ALKBH2: variants seen among roughly 807,000 people sequenced by gnomAD.
ALKBH2 encodes DNA oxidative demethylase ALKBH2.
ALKBH2 carries 19 observed loss-of-function variants against 19.7 expected under a neutral mutation model. That is an observed-to-expected ratio of 0.97 (90% CI 0.67 to 1.42). The LOEUF is 1.42. Ranked by LOEUF, ALKBH2 falls within the 40% of genes most tolerant of loss-of-function variation. ALKBH2 has a pLI of 0.00. For synonymous variants in ALKBH2, 135 were observed against 131.2 expected (o/e 1.03, Z -0.20); for missense variants, 310 against 328.5 (o/e 0.94, Z 0.43).
intron 3 of ALKBH2, among the ~76,000 whole-genome samples, chr12:109,089,406 G>A (rs2042023701): frequency 6.6e-6 from 1 of 152,168 alleles, no homozygotes; most frequent in Non-Finnish European, 1.5e-5. Flanking sequence ...ACAGGTATTG[G>A]GGGGTGGGGG....
At chr12:109,089,762 A>G in intron 3 of ALKBH2, 2 of 519,736 alleles carry the variant, frequency 3.8e-6, no homozygotes, top group Non-Finnish European at 3.5e-6. Flanking sequence ...AAAAAAAAAG[A>G]AAGAAAAAGA....
chr12:109,092,269 T>G, intron 2 of ALKBH2: 1 of 487,374 alleles, frequency 2.1e-6, no homozygotes, highest in Non-Finnish European at 3.3e-6. Context: ...CAAGGAGAGA[T>G]TCACTCGAGT....
intron 2 of ALKBH2, among the ~76,000 whole-genome samples, chr12:109,091,104 A>G (rs1187667180): frequency 1.3e-5 from 2 of 152,102 alleles, no homozygotes; most frequent in Non-Finnish European, 2.9e-5. Context: ...TTTTTTAAAG[A>G]GATGGTGAGC....
intron 2 of ALKBH2, among the ~76,000 whole-genome samples, chr12:109,091,801 C>T (rs1322741582): frequency 2.0e-5 from 3 of 152,212 alleles, no homozygotes; most frequent in East Asian, 1.9e-4. Flanking sequence ...TCGCCCGTCT[C>T]GGGCTCCCAA....
rs1566114978 is a variant in ALKBH2, at chr12:109,090,020, C to T, written c.468G>A (p.Val156=). ...AAACAGGGTGTCACCTGTTGATGAG[C>T]ACAAAGTTGAAGGTCTGTCCAGTCA... ...SGVTGQTFNF[V]LINRYKDGCD... Residue 156 remains valine (V), a synonymous_variant, in exon 3 of 4, where the codon GTG becomes GTA. Transcript: ENST00000429722. The T allele has an allele frequency of 6.2e-7, 1 of 1,614,180 alleles. No homozygotes were observed. Among genetic ancestry groups the T allele is most frequent in the African/African-American group, 1.3e-5 (1 of 75,060 alleles).
At chr12:109,092,345 G>C in intron 2 of ALKBH2, 162 bp downstream of exon 2, 1 of 1,124,366 alleles carries the variant, frequency 8.9e-7, no homozygotes, top group Non-Finnish European at 1.2e-6. Context: ...AGCACCTAAG[G>C]GGCTTAGCCC....
Position 109,088,746 on chromosome 12 carries a change from G to A in ALKBH2, c.480-234C>T, listed in dbSNP as rs114804658. 1.6e-3 allele frequency among the ~76,000 whole-genome samples: 239 copies of A among 152,188 alleles called. 1 individual carries two copies. The highest frequency in any genetic ancestry group is 5.4e-3 in the African/African-American group (224 of 41,528). On this transcript the variant is annotated intron_variant, in intron 3 of 3. Coordinates refer to ENST00000429722, the MANE Select transcript of ALKBH2 (RefSeq NM_001145374.2). The surrounding 1 kb of genome is among the most constrained non-coding windows in gnomAD (Gnocchi z 4.2). ...TTATTATTATTTTTGAGAGGGTCTC[G>A]CTCTGTCACCCAGGCTGAAGTGCAG... is the stretch of plus-strand genomic sequence containing the variant.
chr12:109,089,758 AAAG>A (rs2042030786), intron 3 of ALKBH2: 2 of 512,174 alleles, frequency 3.9e-6, no homozygotes, highest in East Asian at 3.4e-5. Flanking sequence ...CAAAAAAAAA[AAAG>A]AAAGAAAAAG....
chr12:109,092,116 A>C (rs1020112377), intron 2 of ALKBH2: 3 of 162,512 alleles, frequency 1.8e-5, no homozygotes, highest in African/African-American at 7.2e-5. Context: ...CTGACTGCCC[A>C]TGAGAATCAC....
Position 109,092,488 on chromosome 12 carries a change from C to CACAA in ALKBH2, c.280+18_280+19insTTGT, listed in dbSNP as rs2042076707. 1 of 1,548,726 alleles carries CACAA rather than the reference C, an allele frequency of 6.5e-7. No homozygotes were observed. The highest frequency in any genetic ancestry group is 1.4e-5 in the African/African-American group (1 of 73,174). ...AGCCCTCAATGCACACACACACACA[C>CACAA]ACACACCCCTCTGCTTACCTGTAAA... On this transcript the variant is annotated intron_variant, in intron 2 of 3. Transcript: ENST00000429722.
Position 109,088,663 on chromosome 12 carries a change from G to A in ALKBH2, c.480-151C>T, listed in dbSNP as rs898841585. The A allele has an allele frequency of 7.5e-6, 5 of 665,100 alleles. No individual in the cohort carries two copies. Among genetic ancestry groups the A allele is most frequent in the African/African-American group, 3.6e-5 (2 of 55,026 alleles). The allele number at this position is 665,100 out of a possible 1,614,324, so 41.2% of individuals were successfully genotyped here. A position where few individuals can be genotyped will look rare whatever the true frequency, so the allele number is the denominator to read the frequency against. On this transcript the variant is annotated intron_variant, in intron 3 of 3. Transcript: ENST00000429722. The surrounding 1 kb of genome is among the most constrained non-coding windows in gnomAD (Gnocchi z 4.2). ...TGCGAGGGCTTGAGGTCCACAGTGG[G>A]CTCTAAGATAAGCCAACGCTGAAGA... is the stretch of plus-strand genomic sequence containing the variant.
At chr12:109,092,974 AC>A in intron 1 of ALKBH2, 37 bp from the exon 2 acceptor site, 4 of 1,390,938 alleles carry the variant, frequency 2.9e-6, no homozygotes, top group Non-Finnish European at 3.7e-6. Context: ...GCCGGAAGGG[AC>A]CCTAGGGACA....
Position 109,092,835 on chromosome 12 carries a change from A to C in ALKBH2, c.-49T>G. 5 of 1,554,706 alleles carry C rather than the reference A, an allele frequency of 3.2e-6. No individual in the cohort carries two copies. Among genetic ancestry groups the C allele is most frequent in the African/African-American group, 2.7e-5 (2 of 72,938 alleles). On this transcript the variant is annotated 5_prime_UTR_variant, in exon 2 of 4. The change creates a new upstream start codon in the 5' untranslated region. Transcript: ENST00000429722. Reference sequence around the variant, plus strand: ...ACGTCAGTGGCGAGGCCAAGACAGAAATTGCTCAAGTTCTATCCCCAGTGC... The same window carrying C: ...ACGTCAGTGGCGAGGCCAAGACAGACATTGCTCAAGTTCTATCCCCAGTGC...
At position 109,092,945 on chromosome 12, in the gene ALKBH2, G is replaced by A. The variant is rs2042087279; in HGVS notation, c.-151-8C>T. ...AAAGTTTAAAACCATGTCCTAGAAA[G>A]GAAACAGAAGATGTTAAAGCCGGAA... On this transcript the variant is annotated splice_polypyrimidine_tract_variant and splice_region_variant and intron_variant, in intron 1 of 3. Transcript: ENST00000429722. The A allele has an allele frequency of 2.1e-6, 3 of 1,429,168 alleles. No homozygotes were observed. Among genetic ancestry groups the A allele is most frequent in the South Asian group, 3.1e-5 (2 of 65,272 alleles). The allele number at this position is 1,429,168 out of a possible 1,614,324, so 88.5% of individuals were successfully genotyped here. A position where few individuals can be genotyped will look rare whatever the true frequency, so the allele number is the denominator to read the frequency against.
At position 109,092,652 on chromosome 12, in the gene ALKBH2, G is replaced by GGCCT; in HGVS notation, c.131_134dup (p.Pro46GlyfsTer12). The stretch of plus-strand genomic sequence containing the variant: ...CTGCTGAGTGGCCTCCATTCCCTGG[G>GGCCT]GCCTCTCTCCTGGGCCTCTTCCTTG... On this transcript the variant is annotated frameshift_variant, in exon 2 of 4. Coordinates refer to ENST00000429722, the MANE Select transcript of ALKBH2 (RefSeq NM_001145374.2). LOFTEE classifies it high-confidence loss of function. 1 of 1,614,084 alleles carries GGCCT rather than the reference G, an allele frequency of 6.2e-7. No individual in the cohort carries two copies. Among genetic ancestry groups the GGCCT allele is most frequent in the Non-Finnish European group, 8.5e-7 (1 of 1,180,014 alleles).
At chr12:109,092,271 C>G (rs2042073058) in intron 2 of ALKBH2, 1 of 495,510 alleles carries the variant, frequency 2.0e-6, no homozygotes, top group South Asian at 7.3e-5. Context: ...AGGAGAGATT[C>G]ACTCGAGTCA....
In ALKBH2 at chr12:109,088,665, T is replaced by A. The variant is rs1362794258; in HGVS notation, c.480-153A>T. The stretch of plus-strand genomic sequence containing the variant: ...CGAGGGCTTGAGGTCCACAGTGGGC[T>A]CTAAGATAAGCCAACGCTGAAGAGG... On this transcript the variant is annotated intron_variant, in intron 3 of 3. Coordinates refer to ENST00000429722, the MANE Select transcript of ALKBH2 (RefSeq NM_001145374.2). This position sits in a 1 kb window ranked among gnomAD's most constrained non-coding sequence, Gnocchi z 4.2. 1.3e-5 allele frequency among the ~76,000 whole-genome samples: 2 copies of A among 152,186 alleles called. No individual in the cohort carries two copies. The highest frequency in any genetic ancestry group is 4.8e-5 in the African/African-American group (2 of 41,438).
At position 109,090,022 on chromosome 12, in the gene ALKBH2, C is replaced by A. The variant is rs367979659; in HGVS notation, c.466G>T (p.Val156Leu). The change falls in exon 3 of 4, where the codon GTG (valine) becomes TTG (leucine). Residue 156 changes from valine (V) to leucine (L), a missense_variant. Coordinates refer to ENST00000429722, the MANE Select transcript of ALKBH2 (RefSeq NM_001145374.2). ...ACAGGGTGTCACCTGTTGATGAGCACAAAGTTGAAGGTCTGTCCAGTCACC... is the reference window on the plus strand; with the variant it reads ...ACAGGGTGTCACCTGTTGATGAGCAAAAAGTTGAAGGTCTGTCCAGTCACC... ...SGVTGQTFNF[V>L]LINRYKDGCD... The A allele has an allele frequency of 1.9e-6, 3 of 1,614,054 alleles. No individual in the cohort carries two copies. The African/African-American group carries it at 4.0e-5, about 22-fold the overall frequency.
intron 2 of ALKBH2, 166 bp downstream of exon 2, chr12:109,092,341 T>A: frequency 6.3e-6 from 7 of 1,106,442 alleles, no homozygotes; most frequent in Non-Finnish European, 7.1e-6. Flanking sequence ...CCCAAGCACC[T>A]AAGGGGCTTA....
Sources: gnomAD v4.1 joint callset for allele counts (sites outside exome capture counted in the v4.1 genomes callset) on GRCh38, gnomAD v4.1.1 for gene constraint, Gnocchi (gnomAD v3.1) non-coding constraint, MANE v1.5 for transcripts, NCBI Gene and HGNC (gene_info 2026-07-23, HGNC 2026-07-21) for gene names.